PLP1: variants seen among roughly 807,000 people sequenced by gnomAD.
PLP1 encodes myelin proteolipid protein.
PLP1 carries 2 observed loss-of-function variants against 18.5 expected under a neutral mutation model. The observed-to-expected ratio is 0.11, with a 90% CI of 0.04 to 0.34. The LOEUF is 0.34. Among genes scored for constraint, PLP1 ranks in the 10% least tolerant of loss-of-function variants. The pLI is 1.00. For missense variants in PLP1, 105 were observed against 207.3 expected, an observed-to-expected ratio of 0.51 and a Z score of 3.03; for synonymous variants, 86 against 83.2, an observed-to-expected ratio of 1.03 and a Z score of -0.19.
At chrX:103,778,592 C>T (rs913189847) in intron 1 of PLP1, among the ~76,000 whole-genome samples, 2 of 111,464 alleles carry the variant, frequency 1.8e-5, no homozygotes, top group African/African-American at 6.5e-5. Context: ...AAAGTGACCA[C>T]AGGGACAATT....
upstream of PLP1, chrX:103,776,758 A>G: frequency 3.3e-6 from 1 of 300,971 alleles, no homozygotes; most frequent in South Asian, 5.9e-5. Context: ...GTAGGTGGGG[A>G]AAAGGGGAGG....
chrX:103,790,528 T>A lies in PLP1; in HGVS notation c.764T>A (p.Leu255His). The A allele has an allele frequency of 8.3e-7, 1 of 1,202,167 alleles. No homozygotes were observed. Among genetic ancestry groups the A allele is most frequent in the Non-Finnish European group, 1.1e-6 (1 of 886,619 alleles). ...VGAAATLVSL[L>H]TFMIAATYNF... is the part of the protein sequence containing the mutation. Reference sequence around the variant, plus strand: ...CATTCTCTCTTCTGTTCCCTACAGCTCACCTTCATGATTGCTGCCACTTAC... The same window carrying A: ...CATTCTCTCTTCTGTTCCCTACAGCACACCTTCATGATTGCTGCCACTTAC... Residue 255 changes from leucine (L) to histidine (H), a missense_variant and splice_region_variant, in exon 7 of 7, where the codon CTC (leucine) becomes CAC (histidine). Coordinates refer to ENST00000621218, the MANE Select transcript of PLP1 (RefSeq NM_000533.5).
chrX:103,778,574 G>A (rs1247154971), intron 1 of PLP1, among the ~76,000 whole-genome samples: 3 of 111,349 alleles, frequency 2.7e-5, no homozygotes, highest in Non-Finnish European at 3.8e-5. Flanking sequence ...GGAAAGGCAG[G>A]AACAAATAAA....
Position 103,787,909 on chromosome X carries a change from T to C in PLP1, c.565T>C (p.Phe189Leu). Residue 189 changes from phenylalanine (F) to leucine (L), a missense_variant, in exon 4 of 7, where the codon TTC (phenylalanine) becomes CTC (leucine). Physicochemically the swap from Phe to Leu is conservative, Grantham distance 22. Coordinates refer to ENST00000621218, the MANE Select transcript of PLP1 (RefSeq NM_000533.5). ...NTWTTCQSIA[F>L]PSKTSASIGS... ...CTGGACCACCTGCCAGTCTATTGCC[T>C]TCCCCAGCAAGACCTCTGCCAGTAT... The C allele has an allele frequency of 1.7e-6, 2 of 1,210,296 alleles. No homozygotes were observed. The highest frequency in any genetic ancestry group is 2.2e-6 in the Non-Finnish European group (2 of 893,957).
At chrX:103,782,212 AC>A (rs762649426) in intron 1 of PLP1, among the ~76,000 whole-genome samples, 182 of 112,346 alleles carry the variant, frequency 1.6e-3, no homozygotes, top group African/African-American at 5.6e-3. Flanking sequence ...GAAGAGATGA[AC>A]ATCTGATGCT....
In PLP1 at chrX:103,791,195, G is replaced by C. The variant is rs1244141138; in HGVS notation, c.*597G>C. The C allele has an allele frequency of 8.4e-6, 1 of 119,695 alleles. No homozygotes were observed. The highest frequency in any genetic ancestry group is 8.3e-5 in the Admixed American group (1 of 12,093). 9.9% of individuals were successfully genotyped at this position (119,695 alleles called of 1,213,427 possible). A position where few individuals can be genotyped will look rare whatever the true frequency, so the allele number is the denominator to read the frequency against. On this transcript the variant is annotated 3_prime_UTR_variant, in exon 7 of 7. Coordinates refer to ENST00000621218, the MANE Select transcript of PLP1 (RefSeq NM_000533.5). ...CAAGGATCTTTCACCCACAGAAAGA[G>C]AGCACTGACCCCGATGGCGATGGAC... is the stretch of plus-strand genomic sequence containing the variant.
intron 3 of PLP1, 62 bp from the exon 4 acceptor site, chrX:103,787,736 T>A: frequency 1.0e-6 from 1 of 986,117 alleles, no homozygotes; most frequent in Non-Finnish European, 1.4e-6. Flanking sequence ...GATCTCCCAG[T>A]TTGTGTTTCT....
At chrX:103,777,057 A>T in intron 1 of PLP1, 58 bp downstream of exon 1, 2 of 1,069,735 alleles carry the variant, frequency 1.9e-6, no homozygotes, top group Non-Finnish European at 1.3e-6. Flanking sequence ...TTCACAAGAG[A>T]ATTTCCAACT....
rs777630802 is a variant in PLP1 at position 103,786,244 on chromosome X, G to A, written c.192-221G>A. On this transcript the variant is annotated intron_variant, in intron 2 of 6. Coordinates refer to ENST00000621218, the MANE Select transcript of PLP1 (RefSeq NM_000533.5). Reference sequence around the variant, plus strand: ...CTCCAGGTCCCAGGGTAAGCAAGGTGTGGCGGGAGGGGCATATGTTTCTGG... The same window carrying A: ...CTCCAGGTCCCAGGGTAAGCAAGGTATGGCGGGAGGGGCATATGTTTCTGG... 1.5e-5 allele frequency: 17 copies of A among 1,132,343 alleles called. No individual in the cohort carries two copies. The South Asian group carries it at 1.9e-4, about 13-fold the overall frequency. The allele number at this position is 1,132,343 out of a possible 1,213,427, so 93.3% of individuals were successfully genotyped here.
At chrX:103,786,253 G>A (rs2074496011) in intron 2 of PLP1, 3 of 1,131,305 alleles carry the variant, frequency 2.7e-6, no homozygotes, top group South Asian at 3.9e-5. Context: ...TGTGGCGGGA[G>A]GGGCATATGT....
At chrX:103,778,029 G>C (rs926528927) in intron 1 of PLP1, among the ~76,000 whole-genome samples, 1 of 112,014 alleles carries the variant, frequency 8.9e-6, no homozygotes, top group Admixed American at 9.4e-5. Context: ...GAAACACAGA[G>C]AGAACACTTT....
chrX:103,790,830 G>A lies in PLP1; in HGVS notation c.*232G>A. ...CATAGCTGGTTCCTGCTAGAAATGG[G>A]AAATGCCTAAGAAGATGACTTCCCA... On this transcript the variant is annotated 3_prime_UTR_variant, in exon 7 of 7. Coordinates refer to ENST00000621218, the MANE Select transcript of PLP1 (RefSeq NM_000533.5). The A allele has an allele frequency of 2.4e-6, 1 of 421,721 alleles. No individual in the cohort carries two copies. The highest frequency in any genetic ancestry group is 3.9e-5 in the East Asian group (1 of 25,409). The allele number at this position is 421,721 out of a possible 1,213,427, so 34.8% of individuals were successfully genotyped here. A position where few individuals can be genotyped will look rare whatever the true frequency, so the allele number is the denominator to read the frequency against.
In PLP1 at chrX:103,776,975, T is replaced by A; in HGVS notation, c.-21T>A. The A allele has an allele frequency of 1.9e-5, 23 of 1,202,817 alleles. No individual in the cohort carries two copies. The highest frequency in any genetic ancestry group is 2.6e-5 in the Non-Finnish European group (23 of 887,737). On this transcript the variant is annotated 5_prime_UTR_variant, in exon 1 of 7. Coordinates refer to ENST00000621218, the MANE Select transcript of PLP1 (RefSeq NM_000533.5). ...AGCAGACTAGCCAGCCGGCTACAAT[T>A]GGAGTCAGAGTCCCAAAGACATGGG... is the stretch of plus-strand genomic sequence containing the variant.
At chrX:103,780,472 C>T (rs747410747) in intron 1 of PLP1, among the ~76,000 whole-genome samples, 4 of 87,945 alleles carry the variant, frequency 4.5e-5, no homozygotes, top group South Asian at 1.0e-3. Flanking sequence ...TGTGTGTGCG[C>T]GTCTGAAGAG....
chrX:103,785,651 G>A lies in PLP1; in HGVS notation c.74G>A (p.Cys25Tyr). ...PFASLVATGLCFFGVALFCGC... is the reference protein window; with the variant it reads ...PFASLVATGLYFFGVALFCGC... The stretch of plus-strand genomic sequence containing the variant: ...GCTTCCCTGGTGGCCACTGGATTGT[G>A]TTTCTTTGGGGTGGCACTGTTCTGT... The change falls in exon 2 of 7, where the codon TGT (cysteine) becomes TAT (tyrosine). Residue 25 changes from cysteine (C) to tyrosine (Y), a missense_variant. Physicochemically the swap from Cys to Tyr is radical, Grantham distance 194. Transcript: ENST00000621218. The A allele has an allele frequency of 8.3e-7, 1 of 1,209,986 alleles. No individual in the cohort carries two copies. The highest frequency in any genetic ancestry group is 1.1e-6 in the Non-Finnish European group (1 of 893,874).
chrX:103,782,642 C>T (rs1196374071), intron 1 of PLP1, among the ~76,000 whole-genome samples: 2 of 112,276 alleles, frequency 1.8e-5, no homozygotes, highest in Non-Finnish European at 3.8e-5. Context: ...TTCCTCCATC[C>T]CTGACCATAC....
chrX:103,778,460 C>T (rs2074428062), intron 1 of PLP1, among the ~76,000 whole-genome samples: 1 of 111,666 alleles, frequency 9.0e-6, no homozygotes, highest in South Asian at 3.8e-4. Context: ...ATCAGGAATC[C>T]TATCTAATGT....
chrX:103,787,980 C>A lies in PLP1; in HGVS notation c.622+14C>A. 1 of 1,189,007 alleles carries A rather than the reference C, an allele frequency of 8.4e-7. No individual in the cohort carries two copies. Among genetic ancestry groups the A allele is most frequent in the Non-Finnish European group, 1.1e-6 (1 of 874,755 alleles). On this transcript the variant is annotated intron_variant, in intron 4 of 6. Transcript: ENST00000621218. ...CCAGAATGTATGGTGAGTTAGGGTA[C>A]GGGTGCTTTGGCTCTCCTACCCACT...
At chrX:103,781,931 G>T (rs2074456996) in intron 1 of PLP1, among the ~76,000 whole-genome samples, 1 of 111,744 alleles carries the variant, frequency 8.9e-6, no homozygotes, top group African/African-American at 3.3e-5. Context: ...ACCAGGAGGG[G>T]TTCTGAAATG....
Sources: allele counts gnomAD v4.1 joint callset (sites outside exome capture counted in the v4.1 genomes callset), GRCh38; gene constraint gnomAD v4.1.1; transcripts MANE v1.5; gene names NCBI Gene and HGNC (gene_info 2026-07-23, HGNC 2026-07-21).